The following TASOR2 variants were observed in gnomAD, a reference collection of about 807,000 sequenced individuals.
TASOR2 encodes the protein protein TASOR 2.
Under a neutral mutation model 199.5 loss-of-function variants are expected in TASOR2, and 84 were observed. That is an observed-to-expected ratio of 0.42 (90% CI 0.35 to 0.50). The LOEUF is 0.50. TASOR2 is among the 20% of genes least tolerant of loss of function. TASOR2 has a pLI of 0.02. For synonymous variants in TASOR2, 1,103 were observed against 1,046.6 expected, an observed-to-expected ratio of 1.05 and a Z score of -1.04; for missense variants, 2,796 against 2,835.9, an observed-to-expected ratio of 0.99 and a Z score of 0.32.
intron 14 of TASOR2, among the ~76,000 whole-genome samples, chr10:5,743,294 T>C (rs1409322881): frequency 2.0e-5 from 3 of 152,216 alleles, no homozygotes; most frequent in Non-Finnish European, 4.4e-5. Context: ...TGGAGGTCCT[T>C]GGGTGAGCCT....
intron 15 of TASOR2, among the ~76,000 whole-genome samples, chr10:5,755,700 C>T (rs1838829083): frequency 6.6e-6 from 1 of 152,152 alleles, no homozygotes; most frequent in African/African-American, 2.4e-5. Context: ...TAGTCAATGT[C>T]AAGGCCAGGT....
In TASOR2 at chr10:5,748,915, C is replaced by T. The variant is rs1564354553; in HGVS notation, c.5494C>T (p.Leu1832=). Residue 1832 remains leucine, a synonymous_variant, in exon 15 of 21, where the codon CTA becomes TTA. Coordinates refer to ENST00000328090, the Ensembl canonical transcript of TASOR2. This position sits in a 1 kb window ranked among gnomAD's most constrained non-coding sequence, Gnocchi z 5.1. ...CTATGAACTCTCTGGAGATTCTGAT[C>T]TAGACCTGCTTGGTGATTGTAGAAA... 1 of 1,614,012 alleles carries T rather than the reference C, an allele frequency of 6.2e-7. No individual in the cohort carries two copies. Among genetic ancestry groups the T allele is most frequent in the Non-Finnish European group, 8.5e-7 (1 of 1,180,024 alleles).
At position 5,747,318 on chromosome 10, in the gene TASOR2, A is replaced by G. The variant is rs767514285; in HGVS notation, c.3897A>G (p.Pro1299=). The change falls in exon 15 of 21, where the codon CCA becomes CCG. Residue 1299 remains proline, a synonymous_variant. Coordinates refer to ENST00000328090, the Ensembl canonical transcript of TASOR2. ...CTACAAGTCCCAGAGAAGAAATGCC[A>G]GCTGGTGAAATAGAGCAATTTGAGG... 22 of 1,614,056 alleles carry G rather than the reference A, an allele frequency of 1.4e-5. No individual in the cohort carries two copies. The Admixed American group carries it at 1.8e-4, about 13-fold the overall frequency.
At chr10:5,717,474 T>C (rs1832804598) in intron 2 of TASOR2, among the ~76,000 whole-genome samples, 185 bp from the exon 4 acceptor site, 1 of 152,140 alleles carries the variant, frequency 6.6e-6, no homozygotes, top group South Asian at 2.1e-4. Context: ...AAGAGTTGCC[T>C]CAGTTGAGGA....
chr10:5,755,046 C>CAAAAA (rs34884255), intron 15 of TASOR2, among the ~76,000 whole-genome samples: 13 of 78,098 alleles, frequency 1.7e-4, no homozygotes, highest in African/African-American at 3.6e-4. Flanking sequence ...ACTCTTGTCT[C>CAAAAA]AAAAAAAAAA....
chr10:5,707,876 C>G (rs910803247), intron 1 of TASOR2, among the ~76,000 whole-genome samples: 1 of 152,058 alleles, frequency 6.6e-6, no homozygotes, highest in Non-Finnish European at 1.5e-5. Context: ...TCCAATGTGT[C>G]TTTAACCACT....
Position 5,730,961 on chromosome 10 carries a change from A to C in TASOR2, c.962A>C (p.Glu321Ala). 2.5e-6 allele frequency: 4 copies of C among 1,614,118 alleles called. No individual in the cohort carries two copies. The highest frequency in any genetic ancestry group is 3.4e-6 in the Non-Finnish European group (4 of 1,180,034). ...GAGGCAGAAGTGAGAAAAGAAACTG[A>C]AACAAAAAAGGATTCTGAAGAAATG... The change falls in exon 11 of 21, where the codon GAA (glutamate) becomes GCA (alanine). Residue 321 changes from glutamate (E) to alanine (A), a missense_variant. Around this residue, in one of 3 missense-constraint regions of TASOR2, gnomAD observed 847 missense variants for 887.4 expected, o/e 0.95. Coordinates refer to ENST00000328090, the Ensembl canonical transcript of TASOR2. This position sits in a 1 kb window ranked among gnomAD's most constrained non-coding sequence, Gnocchi z 4.1.
At chr10:5,727,776 C>T (rs892458935) in intron 10 of TASOR2, among the ~76,000 whole-genome samples, 3 of 152,150 alleles carry the variant, frequency 2.0e-5, no homozygotes, top group African/African-American at 7.2e-5. Context: ...TCTTTGCTCA[C>T]CTTAGACTCC....
rs1838610255 is a variant in TASOR2 at position 5,754,706 on chromosome 10, CAG to C, written c.6607-1905_6607-1904del. On this transcript the variant is annotated intron_variant, in intron 15 of 20. Transcript: ENST00000328090. This position sits in a 1 kb window ranked among gnomAD's most constrained non-coding sequence, Gnocchi z 4.3. ...TATCACGTGGTGTCACTGTTTACAA[CAG>C]AAAATAACAAATGTGCAAAGGTAAA... Among the ~76,000 whole-genome samples the C allele has an allele frequency of 2.0e-5, 3 of 152,044 alleles. No individual in the cohort carries two copies. Among genetic ancestry groups the C allele is most frequent in the African/African-American group, 4.8e-5 (2 of 41,378 alleles).
rs1832296299 is a variant in TASOR2 at position 5,714,152 on chromosome 10, G to A, written c.-192+1234G>A. On this transcript the variant is annotated intron_variant, in intron 2 of 20. It adds an upstream start codon to the 5' untranslated region. Coordinates refer to ENST00000328090, the Ensembl canonical transcript of TASOR2. The stretch of plus-strand genomic sequence containing the variant: ...GTTTAAAGGCAAAATTGGTATGTCA[G>A]TGTGGACTCCGTGTTGGCAGCAGTG... The A allele has an allele frequency of 2.4e-6, 3 of 1,231,818 alleles. No homozygotes were observed. The highest frequency in any genetic ancestry group is 2.0e-6 in the Non-Finnish European group (2 of 987,814). 76.3% of individuals were successfully genotyped at this position (1,231,818 alleles called of 1,614,324 possible). A position where few individuals can be genotyped will look rare whatever the true frequency, so the allele number is the denominator to read the frequency against.
rs1327614056 is a variant in TASOR2, at chr10:5,750,726, A to G, written c.6606+699A>G. Among the ~76,000 whole-genome samples, 1 of 152,186 alleles carries G rather than the reference A, an allele frequency of 6.6e-6. No homozygotes were observed. The highest frequency in any genetic ancestry group is 1.5e-5 in the Non-Finnish European group (1 of 68,034). On this transcript the variant is annotated intron_variant, in intron 15 of 20. Coordinates refer to ENST00000328090, the Ensembl canonical transcript of TASOR2. This position sits in a 1 kb window ranked among gnomAD's most constrained non-coding sequence, Gnocchi z 5.4. ...TCTGAACCATTTGCAAATGTGTTGC[A>G]CACACAGTGTCCCATTACCTCTTGA...
At chr10:5,714,068 A>AAC (rs1832285199) in intron 2 of TASOR2, 67 bp from the exon 3 acceptor site, 2 of 865,022 alleles carry the variant, frequency 2.3e-6, no homozygotes, top group Non-Finnish European at 3.1e-6. Context: ...TAAAAAAAAA[A>AAC]ACCTTACAGA....
rs1246518687 is a variant in TASOR2, at chr10:5,748,393, C to T, written c.4972C>T (p.Leu1658Phe). ...ATGCATGTGCTCAGTGGTCCCCACG[C>T]TTTGTTCTTCCTCAGACAATGCTAC... The change falls in exon 15 of 21, where the codon CTT becomes TTT. Residue 1658 changes from leucine to phenylalanine, a missense_variant. Around this residue, in one of 3 missense-constraint regions of TASOR2, gnomAD observed 1,941 missense variants for 1,924.9 expected, o/e 1.01. Coordinates refer to ENST00000328090, the Ensembl canonical transcript of TASOR2. The surrounding 1 kb of genome is among the most constrained non-coding windows in gnomAD (Gnocchi z 5.1). 1 of 1,614,234 alleles carries T rather than the reference C, an allele frequency of 6.2e-7. No individual in the cohort carries two copies. The highest frequency in any genetic ancestry group is 8.5e-7 in the Non-Finnish European group (1 of 1,180,050).
At chr10:5,743,195 A>C (rs1836678869) in intron 14 of TASOR2, among the ~76,000 whole-genome samples, 1 of 152,218 alleles carries the variant, frequency 6.6e-6, no homozygotes, top group African/African-American at 2.4e-5. Flanking sequence ...TTTATTCTAG[A>C]ATAATATTGC....
At chr10:5,712,182 C>G (rs931823312) in intron 1 of TASOR2, 7 of 310,146 alleles carry the variant, frequency 2.3e-5, no homozygotes, top group Non-Finnish European at 3.5e-5. Flanking sequence ...TATTTTAGCT[C>G]CTGTACTAAA....
At chr10:5,749,785 A>T in exon 15 of TASOR2, 3 of 1,614,180 alleles carry the variant, frequency 1.9e-6, no homozygotes, top group Non-Finnish European at 2.5e-6. Context: ...CAACAAGGTG[A>T]TGAAGAATAG....
At chr10:5,736,804 A>AT (rs1053567053) in intron 12 of TASOR2, among the ~76,000 whole-genome samples, 2 of 150,278 alleles carry the variant, frequency 1.3e-5, no homozygotes, top group Non-Finnish European at 3.0e-5. Flanking sequence ...GTGTGTGTGT[A>AT]TTTTTTTTGT....
At position 5,749,863 on chromosome 10, in the gene TASOR2, T is replaced by G. The variant is rs746078090; in HGVS notation, c.6442T>G (p.Tyr2148Asp). Reference sequence around the variant, plus strand: ...TGGAGAAGCCACTGCTCAAGAGATGTATCTGCCTTTCCCAGGACGGTCAGC... The same window carrying G: ...TGGAGAAGCCACTGCTCAAGAGATGGATCTGCCTTTCCCAGGACGGTCAGC... Residue 2148 changes from tyrosine (Y) to aspartate (D), a missense_variant, in exon 15 of 21, where the codon TAT (tyrosine) becomes GAT (aspartate). By Grantham distance (160) the Tyr-to-Asp change is radical. Coordinates refer to ENST00000328090, the Ensembl canonical transcript of TASOR2. 24 of 1,614,104 alleles carry G rather than the reference T, an allele frequency of 1.5e-5. No homozygotes were observed. The South Asian group carries it at 2.6e-4, about 18-fold the overall frequency.
rs1235826967 is a variant in TASOR2, at chr10:5,693,971, C to T, written c.-288+8796C>T. Among the ~76,000 whole-genome samples, 3 of 152,072 alleles carry T rather than the reference C, an allele frequency of 2.0e-5. No homozygotes were observed. The South Asian group carries it at 6.2e-4, about 32-fold the overall frequency. On this transcript the variant is annotated intron_variant, in intron 1 of 20. Coordinates refer to ENST00000328090, the Ensembl canonical transcript of TASOR2. ...ACCAAAAAGTAAATTTATAATAATT[C>T]CATGTTCTAATGCTTTAAAGAAAAC...
Sources: allele counts gnomAD v4.1 joint callset (sites outside exome capture counted in the v4.1 genomes callset), GRCh38; gene constraint gnomAD v4.1.1; regional missense constraint gnomAD v4.1.1; non-coding constraint Gnocchi (gnomAD v3.1); transcripts MANE v1.5; gene names NCBI Gene and HGNC (gene_info 2026-07-23, HGNC 2026-07-21).